Variants in PABIR3 observed in about 807,000 individuals in gnomAD.
PABIR3 encodes the protein PABIR family member 3, also known as PABIR family member 1.
In PABIR3, 20 loss-of-function variants were observed where a neutral mutation model predicts 23.1. The ratio of observed to expected loss-of-function variants is 0.86; its 90% CI spans 0.61 to 1.26. The LOEUF (loss-of-function observed/expected upper bound fraction) is 1.26, where lower values mean the gene tolerates loss of function less well. PABIR3 is among the 50% of genes most tolerant of loss of function. The probability of loss-of-function intolerance (pLI) is 0.00; values close to 1 mark genes in which losing one functional copy is unlikely to be tolerated. For synonymous variants in PABIR3, 69 were observed against 68.5 expected (o/e 1.01, Z -0.04); for missense variants, 189 against 195.4 (o/e 0.97, Z 0.20).
chrX:134,859,221 A>C (rs964778388), downstream of PABIR3, among the ~76,000 whole-genome samples: 1 of 111,606 alleles, frequency 9.0e-6, no homozygotes, highest in Admixed American at 9.6e-5. Context: ...TTCTGCCTCT[A>C]AAAATTTTAT....
chrX:134,850,670 A>C lies in PABIR3; in HGVS notation c.589+1442A>C, dbSNP rs560800119. Among the ~76,000 whole-genome samples the C allele has an allele frequency of 2.7e-5, 3 of 112,535 alleles. No individual in the cohort carries two copies. In the South Asian group the frequency reaches 1.1e-3, roughly 41 times the overall value. ...GACATGTATACATAAATAGGTTATC[A>C]CATGAAAAGTATCTCGAGTTTTCTT... On this transcript the variant is annotated intron_variant, in intron 9 of 10. Transcript: ENST00000645433.
At chrX:134,834,125 T>C (rs1346445597) in intron 4 of PABIR3, 2 of 112,290 alleles carry the variant, frequency 1.8e-5, no homozygotes, top group East Asian at 2.8e-4. Context: ...CTAATTTACA[T>C]TCCCACCAAC....
At chrX:134,809,811 C>G (rs1030192285) in intron 2 of PABIR3, 1 of 752,072 alleles carries the variant, frequency 1.3e-6, no homozygotes, top group African/African-American at 2.3e-5. Context: ...TAACCAATAC[C>G]TAAGCTGATT....
chrX:134,801,069 C>G (rs1049979356), intron 1 of PABIR3, among the ~76,000 whole-genome samples: 9 of 112,424 alleles, frequency 8.0e-5, no homozygotes, highest in African/African-American at 2.6e-4. Context: ...TAGCAACTGA[C>G]CTACAGCACA....
At chrX:134,812,015 A>G (rs748154192) in intron 2 of PABIR3, among the ~76,000 whole-genome samples, 33 of 112,261 alleles carry the variant, frequency 2.9e-4, no homozygotes, top group Admixed American at 7.6e-4. Flanking sequence ...ATGAGAAATG[A>G]TTGCTTTGGG....
chrX:134,809,922 A>T (rs1430733730), intron 2 of PABIR3: 11 of 752,454 alleles, frequency 1.5e-5, no homozygotes, highest in Non-Finnish European at 1.6e-6. Flanking sequence ...AAAATACATT[A>T]CCTTTTTAAA....
At chrX:134,809,776 C>G (rs995996658) in intron 2 of PABIR3, 104 of 746,545 alleles carry the variant, frequency 1.4e-4, no homozygotes, top group Non-Finnish European at 1.6e-4. Context: ...TTTCCTGACT[C>G]CTAAACTACT....
intron 6 of PABIR3, among the ~76,000 whole-genome samples, chrX:134,845,753 G>A (rs142244218): frequency 1.3e-4 from 14 of 111,688 alleles, no homozygotes; most frequent in Admixed American, 5.7e-4. Context: ...TTGAAAGTGG[G>A]GTTCAAAGTA....
At chrX:134,796,593 G>A (rs771599651), upstream of PABIR3, 292 of 94,812 alleles carry the variant, frequency 3.1e-3, 2 homozygotes, top group Middle Eastern at 8.4e-3. Context: ...AGGGCAGAGG[G>A]GGGAAAGGGA....
At chrX:134,850,837 G>A (rs963789818) in intron 9 of PABIR3, among the ~76,000 whole-genome samples, 40 of 111,516 alleles carry the variant, frequency 3.6e-4, no homozygotes, top group African/African-American at 1.2e-3. Context: ...TTCCTTTGAG[G>A]TGTCCCTGAG....
chrX:134,805,401 T>C (rs2080189317), upstream of PABIR3, among the ~76,000 whole-genome samples: 1 of 112,594 alleles, frequency 8.9e-6, no homozygotes, highest in Non-Finnish European at 1.9e-5. Flanking sequence ...ATCATCCTCA[T>C]GTCTGGGATT....
upstream of PABIR3, chrX:134,804,046 A>G (rs909251953): frequency 5.6e-6 from 2 of 354,450 alleles, no homozygotes; most frequent in African/African-American, 5.2e-5. Context: ...GGTTGTCATG[A>G]CAACTGGTAA....
At chrX:134,842,228 C>T (rs1395148218) in intron 4 of PABIR3, among the ~76,000 whole-genome samples, 2 of 111,891 alleles carry the variant, frequency 1.8e-5, no homozygotes, top group Admixed American at 1.9e-4. Flanking sequence ...ATATTCATTC[C>T]TTTTCAGATA....
At chrX:134,804,910 G>C (rs1309775164), upstream of PABIR3, among the ~76,000 whole-genome samples, 1 of 112,352 alleles carries the variant, frequency 8.9e-6, no homozygotes, top group Admixed American at 9.4e-5. Context: ...GTGGCTTTTA[G>C]GACATCTTGA....
intron 2 of PABIR3, among the ~76,000 whole-genome samples, chrX:134,808,473 C>G (rs1284619537): frequency 9.0e-6 from 1 of 111,646 alleles, no homozygotes; most frequent in Non-Finnish European, 1.9e-5. Context: ...CTCCACCTCC[C>G]GGGTTCACGC....
chrX:134,807,499 C>T (rs1244429298), intron 1 of PABIR3, 41 bp from the exon 2 acceptor site: 1 of 1,157,134 alleles, frequency 8.6e-7, no homozygotes, highest in African/African-American at 1.8e-5. Flanking sequence ...TTCTCTTTTT[C>T]CCCTTTGCCT....
At chrX:134,817,789 A>G (rs189158344) in intron 3 of PABIR3, among the ~76,000 whole-genome samples, 51 of 110,968 alleles carry the variant, frequency 4.6e-4, no homozygotes, top group African/African-American at 1.5e-3. Context: ...ACTTTATCCT[A>G]GGGTCAGTGA....
downstream of PABIR3, among the ~76,000 whole-genome samples, chrX:134,856,255 GGCTCACT>G (rs199757405): frequency 9.2e-3 from 965 of 105,252 alleles, 12 homozygotes; most frequent in African/African-American, 0.031. Context: ...GCATGATCTC[GGCTCACT>G]GCAACCTCCG....
At chrX:134,826,245 T>C (rs1297600707) in intron 3 of PABIR3, among the ~76,000 whole-genome samples, 2 of 111,597 alleles carry the variant, frequency 1.8e-5, no homozygotes, top group Admixed American at 9.6e-5. Flanking sequence ...GCCAGTATCC[T>C]GTCTTAAAAC....
Sources: allele counts gnomAD v4.1 joint callset (sites outside exome capture counted in the v4.1 genomes callset), GRCh38; gene constraint gnomAD v4.1.1; transcripts MANE v1.5; gene names NCBI Gene and HGNC (gene_info 2026-07-23, HGNC 2026-07-21).